Variants in LDB3 observed in about 807,000 individuals in gnomAD.
LDB3 encodes the protein LIM domain binding 3.
A neutral mutation model predicts 69.0 loss-of-function variants in LDB3; 49 were observed. The ratio of observed to expected loss-of-function variants is 0.71; its 90% confidence interval spans 0.56 to 0.90. LDB3 has a LOEUF of 0.90. Ranked by LOEUF, LDB3 falls within the 40% of genes least tolerant of loss-of-function variation. The probability of loss-of-function intolerance (pLI) is 0.00; values close to 1 mark genes in which losing one functional copy is unlikely to be tolerated. For synonymous variants in LDB3, 387 were observed against 396.2 expected (o/e 0.98, Z 0.28); for missense variants, 928 against 974.1 (o/e 0.95, Z 0.63).
intron 7 of LDB3, among the ~76,000 whole-genome samples, chr10:86,694,387 C>T (rs1279285917): frequency 1.3e-5 from 2 of 152,130 alleles, no homozygotes; most frequent in East Asian, 1.9e-4. Context: ...AGGCAGCTTT[C>T]GGAGCCTCTC....
chr10:86,710,086 C>A, intron 9 of LDB3, 36 bp downstream of exon 9: 1 of 1,607,092 alleles, frequency 6.2e-7, no homozygotes, highest in South Asian at 1.1e-5. Context: ...CTGTCGAAAG[C>A]CATGGGCGGG....
At chr10:86,715,492 A>T (rs1846833769) in intron 9 of LDB3, among the ~76,000 whole-genome samples, 1 of 152,144 alleles carries the variant, frequency 6.6e-6, no homozygotes, top group Non-Finnish European at 1.5e-5. Context: ...TTCTGCTCTC[A>T]GGGAGCTGGA....
At chr10:86,719,536 A>T (rs1009523684) in intron 12 of LDB3, among the ~76,000 whole-genome samples, 8 of 152,166 alleles carry the variant, frequency 5.3e-5, no homozygotes, top group Non-Finnish European at 8.8e-5. Flanking sequence ...TCCTGGTTCC[A>T]CTTTGGGCTG....
chr10:86,682,233 G>A (rs1041963415), intron 5 of LDB3, among the ~76,000 whole-genome samples: 6 of 152,156 alleles, frequency 3.9e-5, no homozygotes, highest in African/African-American at 7.2e-5. Flanking sequence ...GCAGGGGAGC[G>A]TTCGAGAGGT....
intron 8 of LDB3, among the ~76,000 whole-genome samples, chr10:86,708,595 C>T (rs958870142): frequency 5.3e-5 from 8 of 152,190 alleles, no homozygotes; most frequent in Non-Finnish European, 1.0e-4. Context: ...TCTTCCTCTT[C>T]CATGGAGACC....
In LDB3 at chr10:86,716,768, TC is replaced by T. The variant is rs1181358196; in HGVS notation, c.1675del (p.Arg559GlyfsTer6). 1 of 1,605,128 alleles carries T rather than the reference TC, an allele frequency of 6.2e-7. No individual in the cohort carries two copies. The highest frequency in any genetic ancestry group is 8.5e-7 in the Non-Finnish European group (1 of 1,176,322). ...CTCTGCGGTCACTGCAACAATGTCA[TC>T]CGGTATGGTCCAGCTGTGCCCCTGC... The part of the protein sequence containing the change: ...TPLCGHCNNV[I>X]RGPFLVAMGR... On this transcript the variant is annotated frameshift_variant and splice_region_variant, in exon 10 of 14. Coordinates refer to ENST00000361373, the MANE Select transcript of LDB3 (RefSeq NM_007078.3). LOFTEE classifies it high-confidence loss of function.
intron 11 of LDB3, among the ~76,000 whole-genome samples, 185 bp downstream of exon 11, chr10:86,718,329 G>A (rs184453201): frequency 1.2e-3 from 189 of 152,342 alleles, no homozygotes; most frequent in African/African-American, 4.2e-3. Flanking sequence ...TGCAAGAGAT[G>A]ATTGTGTGCC....
rs2132481317 is a variant in LDB3, at chr10:86,716,310, T to C, written c.1232-17T>C. On this transcript the variant is annotated splice_polypyrimidine_tract_variant and intron_variant, in intron 9 of 13. Coordinates refer to ENST00000361373, the MANE Select transcript of LDB3 (RefSeq NM_007078.3). ...TTCCTGACACACCTTTCTTTGGGTT[T>C]TTTTTGGCTTTTGCAGTGCCTGCAT... The C allele has an allele frequency of 1.9e-6, 3 of 1,611,750 alleles. No homozygotes were observed. In the East Asian group the frequency reaches 6.7e-5, roughly 36 times the overall value.
chr10:86,684,314 C>G (rs905107336), intron 5 of LDB3, among the ~76,000 whole-genome samples: 8 of 152,244 alleles, frequency 5.3e-5, no homozygotes, highest in African/African-American at 1.9e-4. Flanking sequence ...ACCATCCCGG[C>G]CCCAGGTCCT....
chr10:86,685,566 G>T, intron 5 of LDB3: 1 of 1,058,390 alleles, frequency 9.4e-7, no homozygotes, highest in Non-Finnish European at 1.5e-6. Context: ...ATTGCGGTTT[G>T]GGCTGGTTCT....
rs895690050 is a variant in LDB3 at position 86,699,875 on chromosome 10, G to T, written c.897-6656G>T. On this transcript the variant is annotated intron_variant, in intron 7 of 13. Transcript: ENST00000361373. The surrounding 1 kb of genome is among the most constrained non-coding windows in gnomAD (Gnocchi z 4.9). The stretch of plus-strand genomic sequence containing the variant: ...GGAGCTCAGGGCAGCCCGGAATAGG[G>T]CTCTTTGAAGAGGAAGTAGAAGCCC... 2 of 1,014,208 alleles carry T rather than the reference G, an allele frequency of 2.0e-6. No homozygotes were observed. The highest frequency in any genetic ancestry group is 8.9e-5 in the East Asian group (1 of 11,182). 62.8% of individuals were successfully genotyped at this position (1,014,208 alleles called of 1,614,324 possible). A position where few individuals can be genotyped will look rare whatever the true frequency, so the allele number is the denominator to read the frequency against.
Position 86,681,775 on chromosome 10 carries a change from A to G in LDB3, c.661A>G (p.Lys221Glu). 2 of 1,599,128 alleles carry G rather than the reference A, an allele frequency of 1.3e-6. No homozygotes were observed. Among genetic ancestry groups the G allele is most frequent in the Non-Finnish European group, 1.7e-6 (2 of 1,171,988 alleles). Residue 221 changes from lysine to glutamate, a missense_variant, in exon 5 of 14, where the codon AAG becomes GAG. Lys to Glu is a moderately conservative substitution (Grantham distance 56). Coordinates refer to ENST00000361373, the MANE Select transcript of LDB3 (RefSeq NM_007078.3). ...AQMYQMSLRG[K>E]ASGVGLPGGS... ...GATGTACCAGATGAGCCTCCGAGGG[A>G]AGGCCTCGGGTGTCGGACTCCCAGG...
At chr10:86,696,190 G>C (rs780654173) in intron 7 of LDB3, among the ~76,000 whole-genome samples, 10 of 151,248 alleles carry the variant, frequency 6.6e-5, no homozygotes, top group South Asian at 4.2e-4. Flanking sequence ...CCCTCCCTCT[G>C]CTGCGCAGTC....
intron 5 of LDB3, chr10:86,687,335 G>A: frequency 6.8e-7 from 1 of 1,470,868 alleles, no homozygotes. Context: ...ATGGGCCATT[G>A]GGCACCATCG....
chr10:86,722,287 G>A (rs1847104791), intron 12 of LDB3, among the ~76,000 whole-genome samples: 3 of 152,222 alleles, frequency 2.0e-5, no homozygotes, highest in Non-Finnish European at 4.4e-5. Context: ...TTGAGACGGA[G>A]TCTCGCTCTG....
chr10:86,731,154 CAA>C (rs1218613739), intron 13 of LDB3, among the ~76,000 whole-genome samples: 19 of 92,448 alleles, frequency 2.1e-4, no homozygotes, highest in Admixed American at 6.0e-4. Flanking sequence ...GACTCCATCT[CAA>C]AAAAAAAAAA....
At chr10:86,727,052 C>T (rs1056328037) in intron 13 of LDB3, among the ~76,000 whole-genome samples, 7 of 146,286 alleles carry the variant, frequency 4.8e-5, no homozygotes, top group South Asian at 2.2e-4. Context: ...AGAGTTTCTG[C>T]TCTTGTTGCC....
chr10:86,718,205 C>T (rs1846947301), intron 11 of LDB3, 61 bp downstream of exon 11: 9 of 1,517,592 alleles, frequency 5.9e-6, no homozygotes, highest in African/African-American at 2.7e-5. Flanking sequence ...TCCCCAAGAT[C>T]GTGGGATCCC....
At chr10:86,727,017 A>AT (rs35394356) in intron 13 of LDB3, among the ~76,000 whole-genome samples, 3,683 of 138,130 alleles carry the variant, frequency 0.027, 80 homozygotes, top group Non-Finnish European at 0.032. Context: ...CGATTTGAGA[A>AT]TTTTTTTTTT....
Sources: allele counts gnomAD v4.1 joint callset (sites outside exome capture counted in the v4.1 genomes callset), GRCh38; gene constraint gnomAD v4.1.1; non-coding constraint Gnocchi (gnomAD v3.1); transcripts MANE v1.5; gene names NCBI Gene and HGNC (gene_info 2026-07-23, HGNC 2026-07-21).